OR1J2: variants seen among roughly 807,000 people sequenced by gnomAD.
The protein encoded by OR1J2 is olfactory receptor family 1 subfamily J member 2.
For synonymous variants in OR1J2, 142 were observed against 99.7 expected (o/e 1.42, Z -2.52); for missense variants, 304 against 246.1 (o/e 1.24, Z -1.57).
At chr9:122,505,452 A>C in the OR1J2 span, among the ~76,000 whole-genome samples, 1 of 152,204 alleles carries the variant, frequency 6.6e-6, no homozygotes, top group Non-Finnish European at 1.5e-5. Flanking sequence ...ATCCATTCAT[A>C]AGGGCAGAGC....
At chr9:122,516,695 A>G (rs1004133093), downstream of OR1J2, among the ~76,000 whole-genome samples, 12 of 152,230 alleles carry the variant, frequency 7.9e-5, no homozygotes, top group African/African-American at 2.9e-4. Flanking sequence ...AATCCCATGG[A>G]TTAAATAGAT....
the OR1J2 span, among the ~76,000 whole-genome samples, chr9:122,469,332 G>A: frequency 6.6e-6 from 1 of 152,170 alleles, no homozygotes; most frequent in Non-Finnish European, 1.5e-5. Flanking sequence ...TCATGGTAGT[G>A]AGTAAGTCTC....
At chr9:122,505,827 AGTTT>A (rs1037805849), upstream of OR1J2, among the ~76,000 whole-genome samples, 5 of 150,848 alleles carry the variant, frequency 3.3e-5, no homozygotes, top group African/African-American at 9.7e-5. Flanking sequence ...TCTATTTGCA[AGTTT>A]GTTTTCTTTT....
the OR1J2 span, among the ~76,000 whole-genome samples, chr9:122,500,794 A>G: frequency 6.6e-6 from 1 of 152,234 alleles, no homozygotes; most frequent in Non-Finnish European, 1.5e-5. Flanking sequence ...TTGATGGTAT[A>G]GGCTTTGACT....
the OR1J2 span, among the ~76,000 whole-genome samples, chr9:122,481,596 T>G: frequency 6.6e-6 from 1 of 152,256 alleles, no homozygotes; most frequent in South Asian, 2.1e-4. Flanking sequence ...ATAAACATAT[T>G]AAGCATGTGA....
At chr9:122,576,482 G>A in the OR1J2 span, among the ~76,000 whole-genome samples, 3 of 151,446 alleles carry the variant, frequency 2.0e-5, no homozygotes, top group South Asian at 2.1e-4. Context: ...TGATCTGCCC[G>A]CCTTGGCCTC....
the OR1J2 span, among the ~76,000 whole-genome samples, chr9:122,464,323 C>T: frequency 5.9e-5 from 9 of 152,228 alleles, no homozygotes; most frequent in Non-Finnish European, 1.3e-4. Flanking sequence ...CGCCCGCCAG[C>T]AGCAGCGAGT....
the OR1J2 span, among the ~76,000 whole-genome samples, chr9:122,473,276 A>G: frequency 0.26 from 39,464 of 152,084 alleles, 5,814 homozygotes; most frequent in African/African-American, 0.4. Flanking sequence ...TCATGGGACC[A>G]TCCTATAAGG....
the OR1J2 span, chr9:122,553,948 C>G: frequency 1.9e-6 from 3 of 1,613,862 alleles, no homozygotes; most frequent in Non-Finnish European, 1.7e-6. Context: ...ACCTGTGGTT[C>G]TCATCTCACG....
the OR1J2 span, among the ~76,000 whole-genome samples, chr9:122,472,649 A>G: frequency 2.6e-5 from 4 of 152,220 alleles, no homozygotes; most frequent in Non-Finnish European, 5.9e-5. Context: ...AATCAAGGCT[A>G]TGGATAAAAA....
At chr9:122,551,927 G>C in the OR1J2 span, among the ~76,000 whole-genome samples, 2 of 152,174 alleles carry the variant, frequency 1.3e-5, no homozygotes, top group East Asian at 3.9e-4. Flanking sequence ...AAAGGTCTCA[G>C]AGTTTTTTAT....
the OR1J2 span, among the ~76,000 whole-genome samples, chr9:122,503,073 A>G: frequency 6.6e-6 from 1 of 152,182 alleles, no homozygotes; most frequent in Non-Finnish European, 1.5e-5. Context: ...TGTCAAACCA[A>G]TTTAAGTGAT....
the OR1J2 span, among the ~76,000 whole-genome samples, chr9:122,530,971 A>T: frequency 6.6e-6 from 1 of 152,272 alleles, no homozygotes; most frequent in East Asian, 1.9e-4. Flanking sequence ...GTCACAGGGG[A>T]TATGATGGCT....
In OR1J2 at chr9:122,511,543, G is replaced by A; in HGVS notation, c.742G>A (p.Val248Met). Reference protein sequence around the residue: ...LSTCGSHLSVVSLYYGSIFGQ... With the variant: ...LSTCGSHLSVMSLYYGSIFGQ... ...CACATGTGGCTCCCATCTCTCTGTG[G>A]TGTCTCTCTATTATGGGTCAATATT... Residue 248 changes from valine to methionine, a missense_variant, in exon 1 of 1, where the codon GTG becomes ATG. By Grantham distance (21) the Val-to-Met change is conservative. Coordinates refer to ENST00000335302, the MANE Select transcript of OR1J2 (RefSeq NM_054107.1). The A allele has an allele frequency of 5.1e-6, 4 of 781,022 alleles. No homozygotes were observed. Among genetic ancestry groups the A allele is most frequent in the East Asian group, 2.4e-5 (1 of 41,254 alleles). 48.4% of individuals were successfully genotyped at this position (781,022 alleles called of 1,614,324 possible). A position where few individuals can be genotyped will look rare whatever the true frequency, so the allele number is the denominator to read the frequency against.
the OR1J2 span, among the ~76,000 whole-genome samples, chr9:122,447,757 TTTC>T: frequency 6.6e-6 from 1 of 152,218 alleles, no homozygotes; most frequent in Admixed American, 6.5e-5. Context: ...CTTCCTTCTC[TTTC>T]TTTTCTTTTT....
chr9:122,564,075 G>A, the OR1J2 span, among the ~76,000 whole-genome samples: 2 of 152,112 alleles, frequency 1.3e-5, no homozygotes, highest in African/African-American at 4.8e-5. Flanking sequence ...CTGTGCATTG[G>A]GAAAAGGGAA....
the OR1J2 span, among the ~76,000 whole-genome samples, chr9:122,523,810 C>A: frequency 2.0e-5 from 3 of 152,090 alleles, no homozygotes; most frequent in Non-Finnish European, 4.4e-5. Flanking sequence ...GGGTTCTGAG[C>A]AAGAAGAAAG....
chr9:122,527,115 A>G, the OR1J2 span: 4 of 1,614,234 alleles, frequency 2.5e-6, no homozygotes, highest in South Asian at 4.4e-5. Context: ...GTTGGCCAAG[A>G]AAAAGTACAT....
the OR1J2 span, chr9:122,568,079 A>C: frequency 6.2e-7 from 1 of 1,614,082 alleles, no homozygotes; most frequent in African/African-American, 1.3e-5. Context: ...TGGTGGTGAC[A>C]TAGTGGAAAG....
Sources: gnomAD v4.1 joint callset for allele counts (sites outside exome capture counted in the v4.1 genomes callset) on GRCh38, gnomAD v4.1.1 for gene constraint, MANE v1.5 for transcripts, NCBI Gene and HGNC (gene_info 2026-07-23, HGNC 2026-07-21) for gene names.